Variants in COBL observed in about 807,000 individuals in gnomAD.
The protein encoded by COBL is protein cordon-bleu.
A neutral mutation model predicts 98.8 loss-of-function variants in COBL; 51 were observed. That is an observed-to-expected ratio of 0.52 (90% CI 0.41 to 0.65). COBL has a LOEUF of 0.65. Among genes scored for constraint, COBL ranks in the 30% least tolerant of loss-of-function variants. The pLI is 0.00. For missense variants in COBL, 1,617 were observed against 1,617.5 expected (o/e 1.00, Z 0.01); for synonymous variants, 634 against 651.7 (o/e 0.97, Z 0.41).
At chr7:51,209,451 C>T (rs1252877167) in intron 2 of COBL, among the ~76,000 whole-genome samples, 3 of 152,258 alleles carry the variant, frequency 2.0e-5, no homozygotes, top group African/African-American at 2.4e-5. Context: ...CACAGCGGGG[C>T]GTGCAGGTTA....
Position 51,029,274 on chromosome 7 carries a change from C to T in COBL, c.1822G>A (p.Gly608Arg), listed in dbSNP as rs748630625. ...PALHPASHDV[G>R]KGIRVALSNI... ...GATAAGGCCACACGGATTCCTTTTC[C>T]GACGTCATGGGAAGCGGGGTGCAGG... Residue 608 changes from glycine (G) to arginine (R), a missense_variant, in exon 10 of 13, where the codon GGA becomes AGA. Gly to Arg is a moderately radical substitution (Grantham distance 125). Transcript: ENST00000265136. The T allele has an allele frequency of 3.0e-5, 48 of 1,608,288 alleles. No homozygotes were observed. Among genetic ancestry groups the T allele is most frequent in the Non-Finnish European group, 4.1e-5 (48 of 1,176,666 alleles).
chr7:51,285,449 C>T (rs1276177102), intron 1 of COBL, among the ~76,000 whole-genome samples: 2 of 150,144 alleles, frequency 1.3e-5, no homozygotes, highest in Non-Finnish European at 3.0e-5. Context: ...AATACAAAGT[C>T]AACACACAAA....
intron 6 of COBL, among the ~76,000 whole-genome samples, chr7:51,085,704 G>A (rs555714017): frequency 7.9e-5 from 12 of 152,304 alleles, no homozygotes; most frequent in Admixed American, 3.9e-4. Context: ...ATGGGCTGCC[G>A]TGAATTGTGA....
intron 5 of COBL, among the ~76,000 whole-genome samples, chr7:51,168,195 G>A (rs1479800383): frequency 1.3e-5 from 2 of 152,126 alleles, no homozygotes; most frequent in African/African-American, 4.8e-5. Flanking sequence ...GAATATATAA[G>A]GAGCTCAAAC....
intron 8 of COBL, among the ~76,000 whole-genome samples, chr7:51,038,655 T>C (rs969992787): frequency 1.4e-4 from 21 of 152,190 alleles, no homozygotes; most frequent in Non-Finnish European, 2.6e-4. Context: ...GGGGTAGCAA[T>C]AGAAGACACC....
At chr7:51,039,094 G>C (rs186052295) in intron 8 of COBL, among the ~76,000 whole-genome samples, 79 of 152,284 alleles carry the variant, frequency 5.2e-4, no homozygotes, top group Non-Finnish European at 2.6e-4. Flanking sequence ...GCCTCCTCTT[G>C]ATCAAGGTGG....
At chr7:51,182,502 G>A (rs1331465952) in intron 5 of COBL, among the ~76,000 whole-genome samples, 3 of 151,962 alleles carry the variant, frequency 2.0e-5, no homozygotes, top group Non-Finnish European at 4.4e-5. Flanking sequence ...GGCTGGTCTC[G>A]AACTCCTGAC....
intron 2 of COBL, among the ~76,000 whole-genome samples, chr7:51,205,647 GTTTTT>G (rs11463515): frequency 7.0e-6 from 1 of 142,416 alleles, no homozygotes; most frequent in Non-Finnish European, 1.5e-5. Flanking sequence ...TTGGTTTTTT[GTTTTT>G]TTTTTTTTTA....
At chr7:51,218,477 C>A (rs984013096) in intron 2 of COBL, among the ~76,000 whole-genome samples, 4 of 152,114 alleles carry the variant, frequency 2.6e-5, no homozygotes, top group Non-Finnish European at 5.9e-5. Flanking sequence ...CATTTTATAT[C>A]ATTTCTTTTT....
intron 2 of COBL, among the ~76,000 whole-genome samples, chr7:51,194,444 A>G (rs1324908291): frequency 2.0e-5 from 3 of 152,224 alleles, no homozygotes; most frequent in Non-Finnish European, 4.4e-5. Context: ...TCTTTATGAC[A>G]GAATGATTTA....
intron 5 of COBL, among the ~76,000 whole-genome samples, chr7:51,154,074 C>A (rs1398711185): frequency 6.6e-6 from 1 of 152,160 alleles, no homozygotes; most frequent in East Asian, 1.9e-4. Context: ...CAGATGCAAC[C>A]TTCCAAGTAC....
At chr7:51,292,443 A>T (rs188039175) in intron 1 of COBL, among the ~76,000 whole-genome samples, 9 of 152,366 alleles carry the variant, frequency 5.9e-5, no homozygotes, top group African/African-American at 9.6e-5. Flanking sequence ...TAAAGACATT[A>T]AAAAACGTCC....
rs566449918 is a variant in COBL at position 51,291,261 on chromosome 7, C to A, written c.41+25332G>T. ...GATACAGACATGAACTGTGAGGGCA[C>A]ATTCACAGAGTCACCAGAAAGGAGA... On this transcript the variant is annotated intron_variant, in intron 1 of 12. Coordinates refer to ENST00000265136, the MANE Select transcript of COBL (RefSeq NM_015198.5). 2.6e-5 allele frequency among the ~76,000 whole-genome samples: 4 copies of A among 152,266 alleles called. No homozygotes were observed. In the South Asian group the frequency reaches 8.3e-4, roughly 32 times the overall value.
intron 1 of COBL, among the ~76,000 whole-genome samples, chr7:51,256,675 A>C (rs547376509): frequency 1.4e-4 from 22 of 152,348 alleles, no homozygotes; most frequent in African/African-American, 5.3e-4. Flanking sequence ...GAGGCAGGGC[A>C]AGTGTTACTA....
At chr7:51,165,420 AT>A (rs760362900) in intron 5 of COBL, among the ~76,000 whole-genome samples, 95 of 152,232 alleles carry the variant, frequency 6.2e-4, no homozygotes, top group Admixed American at 1.9e-3. Context: ...GCATATAACA[AT>A]TTTAAATATA....
At chr7:51,235,191 C>A (rs889552868) in intron 1 of COBL, among the ~76,000 whole-genome samples, 1 of 152,212 alleles carries the variant, frequency 6.6e-6, no homozygotes, top group Non-Finnish European at 1.5e-5. Context: ...CGAAGAAACA[C>A]ACCATCTTCG....
intron 1 of COBL, among the ~76,000 whole-genome samples, chr7:51,264,644 C>T (rs570985605): frequency 7.5e-6 from 1 of 132,494 alleles, no homozygotes; most frequent in East Asian, 2.4e-4. Flanking sequence ...GCACTCCAGC[C>T]TGGGTGACAG....
chr7:51,096,439 T>C (rs1014964417), intron 6 of COBL, among the ~76,000 whole-genome samples: 4 of 152,054 alleles, frequency 2.6e-5, no homozygotes, highest in African/African-American at 7.2e-5. Context: ...ATCAGCAATA[T>C]GACTTTGTAC....
intron 4 of COBL, chr7:51,187,935 C>T (rs1459024184): frequency 7.3e-6 from 9 of 1,232,288 alleles, no homozygotes; most frequent in African/African-American, 1.6e-5. Flanking sequence ...AGGGAAGGCT[C>T]GGACTGAGTT....
Sources: gnomAD v4.1 joint callset for allele counts (sites outside exome capture counted in the v4.1 genomes callset) on GRCh38, gnomAD v4.1.1 for gene constraint, MANE v1.5 for transcripts, NCBI Gene and HGNC (gene_info 2026-07-23, HGNC 2026-07-21) for gene names.